Variants in SSPN observed in about 807,000 individuals in gnomAD.
The protein encoded by SSPN is sarcospan, also known as K-ras oncogene-associated protein.
A neutral mutation model predicts 19.1 loss-of-function variants in SSPN; 15 were observed. The observed-to-expected ratio is 0.78, with a 90% CI of 0.52 to 1.21. SSPN has a LOEUF of 1.21. Among genes scored for constraint, SSPN ranks in the 50% most tolerant of loss-of-function variants. SSPN has a pLI of 0.00. For synonymous variants in SSPN, 147 were observed against 140.3 expected (o/e 1.05, Z -0.34); for missense variants, 291 against 314.0 (o/e 0.93, Z 0.55).
chr12:26,157,806 A>G (rs979087670), intron 1 of SSPN, among the ~76,000 whole-genome samples: 1 of 152,220 alleles, frequency 6.6e-6, no homozygotes, highest in Non-Finnish European at 1.5e-5. Flanking sequence ...ATGGGACAAA[A>G]ATCAATGTCT....
intron 1 of SSPN, among the ~76,000 whole-genome samples, chr12:26,146,536 G>A (rs1944491724): frequency 6.6e-6 from 1 of 152,148 alleles, no homozygotes; most frequent in South Asian, 2.1e-4. Context: ...CACCACAACT[G>A]GGACTCAACA....
chr12:26,179,598 A>T (rs1297818380), intron 1 of SSPN, among the ~76,000 whole-genome samples: 5 of 152,106 alleles, frequency 3.3e-5, no homozygotes, highest in African/African-American at 9.7e-5. Flanking sequence ...CTCTGCATGG[A>T]TGTGTTTTCA....
intron 1 of SSPN, among the ~76,000 whole-genome samples, chr12:26,200,287 ACT>A (rs1944866171): frequency 6.6e-6 from 1 of 152,158 alleles, no homozygotes. Context: ...CATTTGTAAA[ACT>A]CATCACATGA....
chr12:26,194,181 C>G (rs1165340644), upstream of SSPN, among the ~76,000 whole-genome samples: 1 of 152,184 alleles, frequency 6.6e-6, no homozygotes, highest in Non-Finnish European at 1.5e-5. Flanking sequence ...GAAATTTGCT[C>G]TAAGTGCTAC....
chr12:26,137,649 T>TAA, intron 1 of SSPN, among the ~76,000 whole-genome samples: 1 of 47,576 alleles, frequency 2.1e-5, no homozygotes, highest in Non-Finnish European at 4.2e-5. Flanking sequence ...TATATATATA[T>TAA]ATATATATTT....
chr12:26,193,613 G>T (rs1223520838), upstream of SSPN, among the ~76,000 whole-genome samples: 1 of 152,208 alleles, frequency 6.6e-6, no homozygotes, highest in Non-Finnish European at 1.5e-5. Context: ...TCAGGCCCAA[G>T]TCAGGTGGGT....
chr12:26,170,302 A>G (rs1565677233), intron 1 of SSPN, among the ~76,000 whole-genome samples: 1 of 152,230 alleles, frequency 6.6e-6, no homozygotes, highest in Non-Finnish European at 1.5e-5. Context: ...GACTACAATA[A>G]ATTATTCTGT....
intron 1 of SSPN, among the ~76,000 whole-genome samples, chr12:26,201,011 G>GTA (rs869035319): frequency 6.2e-4 from 47 of 76,022 alleles, no homozygotes; most frequent in African/African-American, 2.0e-3. Context: ...GTTAATTTGT[G>GTA]TATATATATA....
intron 1 of SSPN, among the ~76,000 whole-genome samples, chr12:26,217,034 C>T (rs1945060070): frequency 6.7e-6 from 1 of 149,254 alleles, no homozygotes; most frequent in African/African-American, 2.5e-5. Context: ...GTTCTTTTGG[C>T]TTAGGATTGA....
At chr12:26,178,217 G>A (rs1355506195) in intron 1 of SSPN, among the ~76,000 whole-genome samples, 1 of 152,184 alleles carries the variant, frequency 6.6e-6, no homozygotes, top group African/African-American at 2.4e-5. Flanking sequence ...AGACCACGTT[G>A]TTCAGACTTG....
intron 1 of SSPN, among the ~76,000 whole-genome samples, chr12:26,140,033 C>A (rs1420267293): frequency 1.3e-5 from 2 of 152,208 alleles, no homozygotes; most frequent in African/African-American, 2.4e-5. Context: ...TCAATATCAT[C>A]TTTATGCTGA....
chr12:26,155,205 T>C (rs1944548803), intron 1 of SSPN, among the ~76,000 whole-genome samples: 2 of 152,238 alleles, frequency 1.3e-5, no homozygotes, highest in African/African-American at 4.8e-5. Flanking sequence ...AACACCTCTT[T>C]CTTCTTAAAT....
At chr12:26,211,132 A>G (rs908891636) in intron 1 of SSPN, 1 of 152,164 alleles carries the variant, frequency 6.6e-6, no homozygotes, top group African/African-American at 2.4e-5. Context: ...GGAACAAGTC[A>G]TGTCCTATGA....
At chr12:26,182,961 T>C (rs1447596830) in intron 1 of SSPN, among the ~76,000 whole-genome samples, 1 of 152,002 alleles carries the variant, frequency 6.6e-6, no homozygotes. Context: ...AGACAGAATT[T>C]TACCTTGTTG....
intron 1 of SSPN, among the ~76,000 whole-genome samples, chr12:26,169,349 TTGTCTC>T: frequency 1.3e-5 from 2 of 152,268 alleles, no homozygotes; most frequent in Middle Eastern, 3.4e-3. Flanking sequence ...CCTAATGAGA[TTGTCTC>T]TGTTATATTT....
At position 26,164,464 on chromosome 12, in the gene SSPN, C is replaced by A. The variant is rs575982879; in HGVS notation, c.-31+42312C>A. Among the ~76,000 whole-genome samples, 12 of 152,308 alleles carry A rather than the reference C, an allele frequency of 7.9e-5. No homozygotes were observed. The South Asian group carries it at 2.5e-3, about 32-fold the overall frequency. On this transcript the variant is annotated intron_variant, in intron 1 of 2. Transcript: ENST00000538142. ...CCGAGGTGGAAGGATTGCTTGAGGC[C>A]ATGTGTTCTAGGCTGCAGTGAGCTA...
chr12:26,198,508 C>T (rs545956131), intron 1 of SSPN, among the ~76,000 whole-genome samples: 5 of 152,170 alleles, frequency 3.3e-5, no homozygotes, highest in South Asian at 2.1e-4. Flanking sequence ...ATAGTGCCAA[C>T]GAATGGCATG....
At chr12:26,222,573 A>G (rs1288148004) in intron 1 of SSPN, among the ~76,000 whole-genome samples, 1 of 152,178 alleles carries the variant, frequency 6.6e-6, no homozygotes, top group Non-Finnish European at 1.5e-5. Flanking sequence ...CTGCTCTTTC[A>G]ACTTCTGTCT....
intron 1 of SSPN, among the ~76,000 whole-genome samples, chr12:26,219,404 G>T (rs1162607901): frequency 6.6e-6 from 1 of 151,922 alleles, no homozygotes; most frequent in Admixed American, 6.6e-5. Flanking sequence ...ACCCTCAAAA[G>T]ACACCACTGC....
Sources: allele counts gnomAD v4.1 joint callset (sites outside exome capture counted in the v4.1 genomes callset), GRCh38; gene constraint gnomAD v4.1.1; transcripts MANE v1.5; gene names NCBI Gene and HGNC (gene_info 2026-07-23, HGNC 2026-07-21).